Variants in PPP1R10 observed in about 807,000 individuals in gnomAD.
PPP1R10 encodes the protein serine/threonine-protein phosphatase 1 regulatory subunit 10.
In PPP1R10, 15 loss-of-function variants were observed where a neutral mutation model predicts 99.0. That is an observed-to-expected ratio of 0.15 (90% CI 0.10 to 0.23). The LOEUF (loss-of-function observed/expected upper bound fraction) is 0.23. PPP1R10 is among the 10% of genes least tolerant of loss of function. PPP1R10 has a pLI of 1.00. For synonymous variants in PPP1R10, 430 were observed against 449.5 expected (o/e 0.96, Z 0.55); for missense variants, 947 against 1,259.4 (o/e 0.75, Z 3.75).
Position 30,602,067 on chromosome 6 carries a change from G to A in PPP1R10, c.2582C>T (p.Pro861Leu), listed in dbSNP as rs1803377877. ...PGHGGPHGHR[P>L]HDVPGHRGHD... ...GCCTCGGTGACCAGGGACATCATGA[G>A]GCCGGTGGCCATGGGGCCCCCCGTG... is the stretch of plus-strand genomic sequence containing the variant. Residue 861 changes from proline to leucine, a missense_variant, in exon 19 of 20, where the codon CCT (proline) becomes CTT (leucine). By Grantham distance (98) the Pro-to-Leu change is moderately conservative. Around this residue, in one of 10 missense-constraint regions of PPP1R10, gnomAD observed 525 missense variants for 578.8 expected, o/e 0.91. Transcript: ENST00000376511. This position sits in a 1 kb window ranked among gnomAD's most constrained non-coding sequence, Gnocchi z 6.7. 1 of 1,569,718 alleles carries A rather than the reference G, an allele frequency of 6.4e-7. No homozygotes were observed. Among genetic ancestry groups the A allele is most frequent in the South Asian group, 1.2e-5 (1 of 84,228 alleles).
rs772470138 is a variant in PPP1R10 at position 30,604,990 on chromosome 6, A to G, written c.954+4T>C. ...CACTGAAACCTACTTCTGGGAGCCC[A>G]TACCTTGGCAGCCGTAGGTGACAGT... On this transcript the variant is annotated splice_donor_region_variant and intron_variant, in intron 11 of 19. Coordinates refer to ENST00000376511, the MANE Select transcript of PPP1R10 (RefSeq NM_002714.4). This position sits in a 1 kb window ranked among gnomAD's most constrained non-coding sequence, Gnocchi z 7.3. 5.0e-6 allele frequency: 8 copies of G among 1,612,376 alleles called. No homozygotes were observed. Among genetic ancestry groups the G allele is most frequent in the East Asian group, 2.2e-5 (1 of 44,894 alleles).
chr6:30,605,967 G>C lies in PPP1R10; in HGVS notation c.809C>G (p.Pro270Arg). Residue 270 changes from proline (P) to arginine (R), a missense_variant, in exon 10 of 20, where the codon CCT becomes CGT. Around this residue, in one of 10 missense-constraint regions of PPP1R10, gnomAD observed 39 missense variants for 34.4 expected, o/e 1.14. Coordinates refer to ENST00000376511, the MANE Select transcript of PPP1R10 (RefSeq NM_002714.4). ...CACTTTGATCTCTTTGGTGGCATTA[G>C]GTGTTGTGTTGAGTGGCTTGTATTT... ...EKKYKPLNTT[P>R]NATKEIKVKI... is the part of the protein sequence containing the mutation. 6.2e-7 allele frequency: 1 copy of C among 1,614,002 alleles called. No homozygotes were observed. The highest frequency in any genetic ancestry group is 8.5e-7 in the Non-Finnish European group (1 of 1,179,972).
intron 2 of PPP1R10, among the ~76,000 whole-genome samples, chr6:30,613,748 A>T (rs374488483): frequency 6.6e-6 from 1 of 152,190 alleles, no homozygotes; most frequent in Non-Finnish European, 1.5e-5. Flanking sequence ...TCCCATGTTA[A>T]GGAAGATCTT....
At position 30,606,407 on chromosome 6, in the gene PPP1R10, C is replaced by T. The variant is rs1489120461; in HGVS notation, c.634+61G>A. The T allele has an allele frequency of 6.3e-7, 1 of 1,595,448 alleles. No individual in the cohort carries two copies. The highest frequency in any genetic ancestry group is 8.6e-7 in the Non-Finnish European group (1 of 1,168,566). On this transcript the variant is annotated intron_variant, in intron 8 of 19. Transcript: ENST00000376511. The surrounding 1 kb of genome is among the most constrained non-coding windows in gnomAD (Gnocchi z 6.3). ...ACATACCACACATCAAATGATTCCC[C>T]CATAAGGCTCTGGGTGTGCACATGC... is the stretch of plus-strand genomic sequence containing the variant.
intron 5 of PPP1R10, among the ~76,000 whole-genome samples, chr6:30,608,204 C>G (rs1310843723): frequency 6.6e-6 from 1 of 151,836 alleles, no homozygotes; most frequent in African/African-American, 2.4e-5. Flanking sequence ...TTTGCCCACG[C>G]TGGTCTTGAA....
At chr6:30,605,789 G>A (rs1803872327) in intron 10 of PPP1R10, 134 bp downstream of exon 10, 6 of 833,272 alleles carry the variant, frequency 7.2e-6, no homozygotes, top group Non-Finnish European at 1.1e-5. Flanking sequence ...GAACCCGGGA[G>A]GCGGAGCTTG....
chr6:30,611,200 C>T (rs1367512430), intron 2 of PPP1R10, among the ~76,000 whole-genome samples: 3 of 152,126 alleles, frequency 2.0e-5, no homozygotes, highest in Admixed American at 2.0e-4. Context: ...ACCCGGGAGG[C>T]TGACGTGGGA....
At chr6:30,603,390 G>A (rs1261077985) in intron 16 of PPP1R10, 82 bp downstream of exon 16, 2 of 1,583,068 alleles carry the variant, frequency 1.3e-6, no homozygotes, top group Non-Finnish European at 8.7e-7. Flanking sequence ...GGAGAACTGG[G>A]GTAAGGCGAA....
chr6:30,605,929 G>A lies in PPP1R10; in HGVS notation c.847C>T (p.Pro283Ser). Residue 283 changes from proline (P) to serine (S), a missense_variant, in exon 10 of 20, where the codon CCA becomes TCA. Physicochemically the swap from Pro to Ser is moderately conservative, Grantham distance 74 (BLOSUM62 -1). Around this residue, in one of 10 missense-constraint regions of PPP1R10, gnomAD observed 26 missense variants for 56.6 expected, o/e 0.46. Transcript: ENST00000376511. ...TKEIKVKIIP[P>S]QPMEGLGFLD... ...TTCCCCACTTTAGACTCACGCTGTG[G>A]CGGGATGATCTTCACTTTGATCTCT... 6 of 1,612,494 alleles carry A rather than the reference G, an allele frequency of 3.7e-6. No individual in the cohort carries two copies. The highest frequency in any genetic ancestry group is 1.3e-5 in the African/African-American group (1 of 74,884).
Position 30,616,570 on chromosome 6 carries a change from A to T in PPP1R10, c.-104T>A, listed in dbSNP as rs533510345. 1 of 152,318 alleles carries T rather than the reference A, an allele frequency of 6.6e-6. No individual in the cohort carries two copies. The highest frequency in any genetic ancestry group is 6.5e-5 in the Admixed American group (1 of 15,300). The allele number at this position is 152,318 out of a possible 1,614,324, so 9.4% of individuals were successfully genotyped here. The stretch of plus-strand genomic sequence containing the variant: ...AAAATAAAACAACCAACCAGGACCC[A>T]AAACTCAATTATTTAGGGGGCCTCA... On this transcript the variant is annotated 5_prime_UTR_variant, in exon 2 of 20. Transcript: ENST00000376511.
At chr6:30,608,165 A>AT (rs1282467860) in intron 5 of PPP1R10, among the ~76,000 whole-genome samples, 4 of 151,584 alleles carry the variant, frequency 2.6e-5, no homozygotes, top group Admixed American at 6.6e-5. Flanking sequence ...AATTTTTTGT[A>AT]TTTTTTGTAG....
chr6:30,613,037 C>T (rs549433733), intron 2 of PPP1R10, among the ~76,000 whole-genome samples: 1 of 152,270 alleles, frequency 6.6e-6, no homozygotes, highest in East Asian at 1.9e-4. Flanking sequence ...ACCCCCTGGC[C>T]TACCTCCACC....
rs778683617 is a variant in PPP1R10, at chr6:30,602,708, AAG to A, written c.1958-19_1958-18del. 1.9e-6 allele frequency: 3 copies of A among 1,604,600 alleles called. No individual in the cohort carries two copies. Among genetic ancestry groups the A allele is most frequent in the East Asian group, 2.2e-5 (1 of 44,620 alleles). ...CATGGGGACCTGTAAGGGGACAAAA[AAG>A]AGAGACAGTATCAGCTACCAGGAAC... On this transcript the variant is annotated intron_variant, in intron 18 of 19. Transcript: ENST00000376511. This position sits in a 1 kb window ranked among gnomAD's most constrained non-coding sequence, Gnocchi z 6.7.
At position 30,604,132 on chromosome 6, in the gene PPP1R10, C is replaced by A. The variant is rs1803672549; in HGVS notation, c.1384G>T (p.Val462Leu). Reference protein sequence around the residue: ...HDNMEEKVPWVCPRPLVLPSP... With the variant: ...HDNMEEKVPWLCPRPLVLPSP... ...GGCAGAACCAGGGGCCGGGGGCACA[C>A]CCAGGGCACCTTCTCCTCCATGTTA... Residue 462 changes from valine to leucine, a missense_variant, in exon 14 of 20, where the codon GTG becomes TTG. This residue lies in a region of PPP1R10 where 50 missense variants were observed against 78.6 expected (regional missense o/e 0.64). Transcript: ENST00000376511. This position sits in a 1 kb window ranked among gnomAD's most constrained non-coding sequence, Gnocchi z 7.3. The A allele has an allele frequency of 6.2e-7, 1 of 1,614,016 alleles. No homozygotes were observed. The highest frequency in any genetic ancestry group is 1.3e-5 in the African/African-American group (1 of 74,900).
chr6:30,604,444 G>A lies in PPP1R10; in HGVS notation c.1170C>T (p.Thr390=). The A allele has an allele frequency of 1.2e-6, 2 of 1,613,188 alleles. No homozygotes were observed. Among genetic ancestry groups the A allele is most frequent in the African/African-American group, 1.3e-5 (1 of 75,000 alleles). Residue 390 remains threonine, a synonymous_variant, in exon 13 of 20, where the codon ACC becomes ACT. Transcript: ENST00000376511. This position sits in a 1 kb window ranked among gnomAD's most constrained non-coding sequence, Gnocchi z 7.3. ...CACTTTTCCTCTTCCTGCCTTTCCG[G>A]GTCAGTTGGTTAGGATCTCCAGGAC... ...VESPGDPNQL[T]RKGRKRKSVT...
In PPP1R10 at chr6:30,610,080, T is replaced by C. The variant is rs151228091; in HGVS notation, c.-11-125A>G. 779 of 660,442 alleles carry C rather than the reference T, an allele frequency of 1.2e-3. 14 individuals carry two copies. The East Asian group carries it at 0.02, about 17-fold the overall frequency. 40.9% of individuals were successfully genotyped at this position (660,442 alleles called of 1,614,324 possible). A position where few individuals can be genotyped will look rare whatever the true frequency, so the allele number is the denominator to read the frequency against. On this transcript the variant is annotated intron_variant, in intron 2 of 19. Transcript: ENST00000376511. ...AGTATAATGACTAATTATTCAACTA[T>C]GCTATTTTTTAGATATGAAAAATCG... is the stretch of plus-strand genomic sequence containing the variant.
intron 5 of PPP1R10, among the ~76,000 whole-genome samples, chr6:30,608,258 T>C (rs1414733467): frequency 1.3e-5 from 2 of 151,204 alleles, no homozygotes; most frequent in African/African-American, 2.4e-5. Context: ...TCCCAAAGTG[T>C]TGGGATTACA....
intron 15 of PPP1R10, 29 bp downstream of exon 15, chr6:30,603,751 A>ACTT: frequency 6.5e-7 from 1 of 1,543,622 alleles, no homozygotes; most frequent in South Asian, 1.3e-5. Context: ...GACCATCACA[A>ACTT]CTTCCATCAT....
In PPP1R10 at chr6:30,602,504, A is replaced by T. The variant is rs1185226644; in HGVS notation, c.2145T>A (p.Pro715=). The T allele has an allele frequency of 3.2e-6, 5 of 1,560,124 alleles. No homozygotes were observed. Among genetic ancestry groups the T allele is most frequent in the African/African-American group, 1.4e-5 (1 of 72,824 alleles). Reference sequence around the variant, plus strand: ...CTCGGAATGGAGGAGGAGGAGGAGGAGGTTCGTTTCCTCCTCGGCCACCTC... The same window carrying T: ...CTCGGAATGGAGGAGGAGGAGGAGGTGGTTCGTTTCCTCCTCGGCCACCTC... ...RGRGGRGGNE[P]PPPPPPFRGA... The change falls in exon 19 of 20, where the codon CCT becomes CCA. Residue 715 remains proline, a synonymous_variant. Transcript: ENST00000376511. This position sits in a 1 kb window ranked among gnomAD's most constrained non-coding sequence, Gnocchi z 6.7.
Sources: gnomAD v4.1 joint callset for allele counts (sites outside exome capture counted in the v4.1 genomes callset) on GRCh38, gnomAD v4.1.1 for gene constraint, gnomAD v4.1.1 regional missense constraint, Gnocchi (gnomAD v3.1) non-coding constraint, MANE v1.5 for transcripts, NCBI Gene and HGNC (gene_info 2026-07-23, HGNC 2026-07-21) for gene names.